Variants in CSMD1 observed in about 807,000 individuals in gnomAD.
CSMD1 encodes the protein CUB and Sushi multiple domains 1.
CSMD1 carries 213 observed loss-of-function variants against 417.5 expected under a neutral mutation model. The ratio of observed to expected loss-of-function variants is 0.51; its 90% CI spans 0.46 to 0.57. The LOEUF (loss-of-function observed/expected upper bound fraction) is 0.57. Ranked by LOEUF, CSMD1 falls within the 20% of genes least tolerant of loss-of-function variation. CSMD1 has a pLI of 0.00. For missense variants in CSMD1, 6,923 were observed against 4,529.7 expected (o/e 1.53, Z -15.17); for synonymous variants, 2,862 against 1,736.8 (o/e 1.65, Z -16.11).
intron 1 of CSMD1, among the ~76,000 whole-genome samples, chr8:4,671,194 G>C (rs1482723471): frequency 6.6e-6 from 1 of 152,078 alleles, no homozygotes; most frequent in East Asian, 1.9e-4. Flanking sequence ...ATTCCTCTTA[G>C]TAGTTTCCTT....
chr8:4,163,273 T>C (rs1238501943), intron 3 of CSMD1, among the ~76,000 whole-genome samples: 3 of 152,290 alleles, frequency 2.0e-5, no homozygotes, highest in South Asian at 2.1e-4. Flanking sequence ...CTGGACTGCA[T>C]GTTGAGAGTA....
intron 8 of CSMD1, among the ~76,000 whole-genome samples, chr8:3,593,232 A>T (rs1476600265): frequency 2.0e-5 from 3 of 152,246 alleles, no homozygotes; most frequent in African/African-American, 7.2e-5. Flanking sequence ...GTGAGGAGAC[A>T]GAACAAGACA....
At position 3,522,902 on chromosome 8, in the gene CSMD1, ATAT is replaced by A. The variant is rs1241789819; in HGVS notation, c.1345-29179_1345-29177del. 2.7e-4 allele frequency among the ~76,000 whole-genome samples: 41 copies of A among 149,936 alleles called. 1 individual carries two copies. Among genetic ancestry groups the A allele is most frequent in the African/African-American group, 9.7e-4 (40 of 41,042 alleles). ...AAATATTACCTTTCAATATATTTAT[ATAT>A]TATCATGTATAAAATATCAATATAT... On this transcript the variant is annotated intron_variant, in intron 10 of 69. Coordinates refer to ENST00000635120, the MANE Select transcript of CSMD1 (RefSeq NM_033225.6).
intron 1 of CSMD1, among the ~76,000 whole-genome samples, chr8:4,884,653 C>T (rs1052081027): frequency 6.6e-6 from 1 of 152,008 alleles, no homozygotes; most frequent in East Asian, 1.9e-4. Flanking sequence ...ATTGTCTTGG[C>T]AGTCATATCA....
At chr8:4,517,195 G>C (rs1298828409) in intron 2 of CSMD1, among the ~76,000 whole-genome samples, 1 of 152,146 alleles carries the variant, frequency 6.6e-6, no homozygotes, top group African/African-American at 2.4e-5. Flanking sequence ...AGCAGTTTAT[G>C]AGACATAATG....
At position 4,397,523 on chromosome 8, in the gene CSMD1, C is replaced by CTTT. The variant is rs57745028; in HGVS notation, c.415+22427_415+22429dup. ...GAGCAATGTCAACAAGCCTGAGACT[C>CTTT]TTTTTTTTTTTTTTTTTTTTTTTTT... On this transcript the variant is annotated intron_variant, in intron 3 of 69. Coordinates refer to ENST00000635120, the MANE Select transcript of CSMD1 (RefSeq NM_033225.6). Among the ~76,000 whole-genome samples, 92 of 59,962 alleles carry CTTT rather than the reference C, an allele frequency of 1.5e-3. 6 individuals are homozygous for CTTT. The highest frequency in any genetic ancestry group is 3.9e-3 in the African/African-American group (65 of 16,478). 39.3% of individuals were successfully genotyped at this position (59,962 alleles called of 152,430 possible). A position where few individuals can be genotyped will look rare whatever the true frequency, so the allele number is the denominator to read the frequency against.
intron 10 of CSMD1, among the ~76,000 whole-genome samples, chr8:3,536,955 C>T (rs909135604): frequency 6.6e-6 from 1 of 152,124 alleles, no homozygotes; most frequent in South Asian, 2.1e-4. Context: ...TTACTGGGAG[C>T]TTTCACATGC....
chr8:3,850,049 G>C (rs1284025824), intron 5 of CSMD1, among the ~76,000 whole-genome samples: 5 of 152,092 alleles, frequency 3.3e-5, no homozygotes, highest in East Asian at 1.9e-4. Flanking sequence ...ACCAGCCTCA[G>C]CCTCTCAAAG....
intron 7 of CSMD1, among the ~76,000 whole-genome samples, chr8:3,668,338 G>T (rs535190035): frequency 6.6e-6 from 1 of 152,136 alleles, no homozygotes; most frequent in Non-Finnish European, 1.5e-5. Context: ...TCCCACACAG[G>T]CCCTGGGCTG....
At chr8:2,960,919 CATT>C (rs1803400184) in intron 62 of CSMD1, among the ~76,000 whole-genome samples, 1 of 125,480 alleles carries the variant, frequency 8.0e-6, no homozygotes, top group African/African-American at 2.9e-5. Context: ...TGCATTATTC[CATT>C]ATTATCTAGT....
intron 36 of CSMD1, among the ~76,000 whole-genome samples, chr8:3,181,485 T>C (rs1821322845): frequency 1.3e-5 from 2 of 152,226 alleles, no homozygotes; most frequent in Admixed American, 1.3e-4. Flanking sequence ...GAGGTTTTTT[T>C]GCATTGTTTT....
chr8:2,981,571 A>G (rs369415698), intron 54 of CSMD1, among the ~76,000 whole-genome samples: 1 of 152,212 alleles, frequency 6.6e-6, no homozygotes, highest in Non-Finnish European at 1.5e-5. Context: ...AAAACCTGAC[A>G]TGGAACCTGA....
At chr8:4,414,175 A>T (rs923604852) in intron 3 of CSMD1, among the ~76,000 whole-genome samples, 3 of 152,200 alleles carry the variant, frequency 2.0e-5, no homozygotes, top group Admixed American at 1.3e-4. Context: ...AAGAGTAATA[A>T]TCTAGCTGCT....
chr8:3,338,318 G>C (rs145881864), intron 23 of CSMD1, among the ~76,000 whole-genome samples: 3 of 152,312 alleles, frequency 2.0e-5, no homozygotes, highest in Admixed American at 2.0e-4. Context: ...AGTTGAGTCA[G>C]TGTCCACAGA....
chr8:4,391,454 A>G (rs1199804091), intron 3 of CSMD1, among the ~76,000 whole-genome samples: 2 of 152,158 alleles, frequency 1.3e-5, no homozygotes, highest in African/African-American at 2.4e-5. Context: ...ACAGCTAATT[A>G]TCAGAGTACA....
At chr8:3,633,459 T>C (rs1313922890) in intron 7 of CSMD1, among the ~76,000 whole-genome samples, 1 of 152,190 alleles carries the variant, frequency 6.6e-6, no homozygotes, top group Non-Finnish European at 1.5e-5. Flanking sequence ...ATATCTAACA[T>C]ATGTATAATA....
chr8:3,937,536 A>G (rs981587204), intron 5 of CSMD1, among the ~76,000 whole-genome samples: 1 of 149,628 alleles, frequency 6.7e-6, no homozygotes, highest in Non-Finnish European at 1.5e-5. Flanking sequence ...GTTTTTAAAA[A>G]CATAATACTA....
intron 7 of CSMD1, among the ~76,000 whole-genome samples, chr8:3,621,825 T>A (rs1216734203): frequency 6.6e-6 from 1 of 151,974 alleles, no homozygotes; most frequent in Non-Finnish European, 1.5e-5. Flanking sequence ...CCCAGGCTGG[T>A]CTCAAACTCC....
chr8:3,841,596 G>T (rs890733267), intron 5 of CSMD1, among the ~76,000 whole-genome samples: 1 of 151,892 alleles, frequency 6.6e-6, no homozygotes, highest in Non-Finnish European at 1.5e-5. Context: ...ATTAGCACTA[G>T]AAAGGATTTT....
Sources: gnomAD v4.1 joint callset for allele counts (sites outside exome capture counted in the v4.1 genomes callset) on GRCh38, gnomAD v4.1.1 for gene constraint, MANE v1.5 for transcripts, NCBI Gene and HGNC (gene_info 2026-07-23, HGNC 2026-07-21) for gene names.